Variants in SLCO1B3 observed in about 807,000 individuals in gnomAD.
SLCO1B3 encodes the protein liver-specific organic anion transporter 2.
In SLCO1B3, 72 loss-of-function variants were observed where a neutral mutation model predicts 71.8. That is an observed-to-expected ratio of 1.00 (90% CI 0.83 to 1.22). The LOEUF is 1.22. Among genes scored for constraint, SLCO1B3 ranks in the 50% most tolerant of loss-of-function variants. The pLI is 0.00. For synonymous variants in SLCO1B3, 298 were observed against 278.4 expected, an observed-to-expected ratio of 1.07 and a Z score of -0.70; for missense variants, 911 against 819.7, an observed-to-expected ratio of 1.11 and a Z score of -1.36.
At chr12:20,851,722 C>G (rs538016806) in intron 3 of SLCO1B3, among the ~76,000 whole-genome samples, 1 of 152,268 alleles carries the variant, frequency 6.6e-6, no homozygotes, top group East Asian at 1.9e-4. Context: ...GTGTCATACT[C>G]AAGAAATTAT....
intron 3 of SLCO1B3, among the ~76,000 whole-genome samples, chr12:20,841,258 G>A (rs981813111): frequency 6.6e-6 from 1 of 151,828 alleles, no homozygotes; most frequent in Admixed American, 6.6e-5. Flanking sequence ...TTTTTCAGTC[G>A]GTTTAGTGTT....
At chr12:20,823,784 A>T (rs1864367281) in intron 3 of SLCO1B3, among the ~76,000 whole-genome samples, 2 of 152,180 alleles carry the variant, frequency 1.3e-5, no homozygotes, top group South Asian at 4.1e-4. Context: ...AGGTCTTAAG[A>T]AAGCTTGGAG....
chr12:20,848,701 C>T (rs1233328751), intron 3 of SLCO1B3, among the ~76,000 whole-genome samples: 1 of 151,820 alleles, frequency 6.6e-6, no homozygotes. Context: ...GAAAGACATC[C>T]AAAACATAAC....
Position 20,862,774 on chromosome 12 carries a change from G to A in SLCO1B3, c.647G>A (p.Gly216Glu), listed in dbSNP as rs375847286. 6 of 1,610,322 alleles carry A rather than the reference G, an allele frequency of 3.7e-6. No individual in the cohort carries two copies. The highest frequency in any genetic ancestry group is 4.5e-5 in the East Asian group (2 of 44,800). Residue 216 changes from glycine (G) to glutamate (E), a missense_variant, in exon 8 of 16, where the codon GGA becomes GAA. Coordinates refer to ENST00000381545, the MANE Select transcript of SLCO1B3 (RefSeq NM_019844.4). ...CTTACAGGTAGTTTGAATGCAATAG[G>A]AATGATTGGTCCAGTCATTGGCTTT... ...SLYLGSLNAI[G>E]MIGPVIGFAL...
intron 3 of SLCO1B3, among the ~76,000 whole-genome samples, chr12:20,833,965 G>C (rs942097565): frequency 2.9e-5 from 4 of 136,070 alleles, no homozygotes; most frequent in African/African-American, 1.0e-4. Context: ...AGCTGTATAT[G>C]TATATACATA....
chr12:20,833,860 CTA>C (rs1237701652), intron 3 of SLCO1B3, among the ~76,000 whole-genome samples: 5 of 143,336 alleles, frequency 3.5e-5, no homozygotes, highest in African/African-American at 1.2e-4. Context: ...TTTATATACT[CTA>C]TATACTATAT....
chr12:20,835,333 A>G (rs1864656123), intron 3 of SLCO1B3, among the ~76,000 whole-genome samples: 1 of 152,080 alleles, frequency 6.6e-6, no homozygotes, highest in Non-Finnish European at 1.5e-5. Context: ...TTGTCTCCTC[A>G]TTACTTACTC....
chr12:20,820,808 T>TA (rs1181628914), intron 3 of SLCO1B3, among the ~76,000 whole-genome samples: 1 of 152,068 alleles, frequency 6.6e-6, no homozygotes, highest in Non-Finnish European at 1.5e-5. Flanking sequence ...GCTGGGTTTT[T>TA]ATATTTGATG....
At position 20,840,968 on chromosome 12, in the gene SLCO1B3, G is replaced by A. The variant is rs377548659; in HGVS notation, c.85-14060G>A. Among the ~76,000 whole-genome samples, 24 of 152,274 alleles carry A rather than the reference G, an allele frequency of 1.6e-4. No individual in the cohort carries two copies. The East Asian group carries it at 2.3e-3, about 15-fold the overall frequency. On this transcript the variant is annotated intron_variant, in intron 3 of 15. Transcript: ENST00000381545. ...CAACATTTACTATAAGATCCAGGTCGAGCTCCTGAAGAGAAAATCATCAAA... is the reference window on the plus strand; with the variant it reads ...CAACATTTACTATAAGATCCAGGTCAAGCTCCTGAAGAGAAAATCATCAAA...
intron 15 of SLCO1B3, among the ~76,000 whole-genome samples, chr12:20,908,722 T>A (rs1217979447): frequency 6.6e-6 from 1 of 152,230 alleles, no homozygotes; most frequent in East Asian, 1.9e-4. Flanking sequence ...TGATGGGTTA[T>A]TTCTTTTTAG....
At chr12:20,879,928 A>C (rs1865657986) in intron 11 of SLCO1B3, among the ~76,000 whole-genome samples, 1 of 152,100 alleles carries the variant, frequency 6.6e-6, no homozygotes, top group African/African-American at 2.4e-5. Flanking sequence ...GATTTAGAGA[A>C]ACACACACAT....
intron 3 of SLCO1B3, among the ~76,000 whole-genome samples, chr12:20,832,963 A>C (rs773459229): frequency 3.9e-5 from 6 of 152,070 alleles, no homozygotes; most frequent in African/African-American, 4.8e-5. Context: ...TATCTTAGAG[A>C]TCTAAAATCC....
intron 15 of SLCO1B3, among the ~76,000 whole-genome samples, chr12:20,902,619 GAGAA>G (rs1866151258): frequency 6.6e-6 from 1 of 152,102 alleles, no homozygotes; most frequent in African/African-American, 2.4e-5. Context: ...TATTTAAAAA[GAGAA>G]AGAGAACAAG....
rs1864622745 is a variant in SLCO1B3, at chr12:20,834,285, AATATATATATATAATT to A, written c.84+18471_84+18486del. On this transcript the variant is annotated intron_variant, in intron 3 of 15. Transcript: ENST00000381545. ...ATACATAGTCTTCATATACATGGAG[AATATATATATATAATT>A]ATATATAGGTTGTATATATACATAT... Among the ~76,000 whole-genome samples the A allele has an allele frequency of 1.2e-4, 17 of 141,784 alleles. No homozygotes were observed. The South Asian group carries it at 3.6e-3, about 30-fold the overall frequency. 93.0% of individuals were successfully genotyped at this position (141,784 alleles called of 152,430 possible).
chr12:20,901,922 A>G (rs757601245), intron 15 of SLCO1B3: 7 of 438,096 alleles, frequency 1.6e-5, no homozygotes, highest in South Asian at 8.2e-5. Flanking sequence ...TGCAAGTGAC[A>G]TTAAGACAAC....
chr12:20,870,648 C>A (rs1004754960), intron 8 of SLCO1B3, among the ~76,000 whole-genome samples: 1 of 152,132 alleles, frequency 6.6e-6, no homozygotes, highest in African/African-American at 2.4e-5. Flanking sequence ...ACACAGATTT[C>A]TCTGGGCTCT....
chr12:20,835,139 A>G (rs891881168), intron 3 of SLCO1B3, among the ~76,000 whole-genome samples: 3 of 152,128 alleles, frequency 2.0e-5, no homozygotes, highest in African/African-American at 7.2e-5. Context: ...CCTTTTAGCC[A>G]TGGCTGGAGT....
rs188445055 is a variant in SLCO1B3 at position 20,880,334 on chromosome 12, T to A, written c.1332-521T>A. Among the ~76,000 whole-genome samples the A allele has an allele frequency of 2.2e-4, 33 of 151,972 alleles. No homozygotes were observed. The East Asian group carries it at 4.1e-3, about 19-fold the overall frequency. On this transcript the variant is annotated intron_variant, in intron 11 of 15. Transcript: ENST00000381545. ...TTTTTTATTCCTCAGAGGTTTGGTTTTAACTACATTGAAATCTTTTTTTTT... is the reference window on the plus strand; with the variant it reads ...TTTTTTATTCCTCAGAGGTTTGGTTATAACTACATTGAAATCTTTTTTTTT...
intron 3 of SLCO1B3, among the ~76,000 whole-genome samples, chr12:20,832,498 TAA>T (rs11305410): frequency 1.3e-5 from 2 of 149,924 alleles, no homozygotes; most frequent in African/African-American, 2.4e-5. Context: ...TAATGATTAT[TAA>T]AAAAAAAATA....
Sources: gnomAD v4.1 joint callset for allele counts (sites outside exome capture counted in the v4.1 genomes callset) on GRCh38, gnomAD v4.1.1 for gene constraint, MANE v1.5 for transcripts, NCBI Gene and HGNC (gene_info 2026-07-23, HGNC 2026-07-21) for gene names.